JAK1: variants seen among roughly 807,000 people sequenced by gnomAD.
The protein encoded by JAK1 is Janus kinase 1.
A neutral mutation model predicts 136.6 loss-of-function variants in JAK1; 16 were observed. The ratio of observed to expected loss-of-function variants is 0.12; its 90% CI spans 0.08 to 0.18. The LOEUF (loss-of-function observed/expected upper bound fraction) is 0.18, where lower values mean the gene tolerates loss of function less well. JAK1 is among the 10% of genes least tolerant of loss of function. JAK1 has a pLI of 1.00. For missense variants in JAK1, 859 were observed against 1,450.1 expected (o/e 0.59, Z 6.62); for synonymous variants, 492 against 519.5 (o/e 0.95, Z 0.72).
chr1:64,834,751 A>C, intron 24 of JAK1, 94 bp from the exon 25 acceptor site: 1 of 809,918 alleles, frequency 1.2e-6, no homozygotes, highest in Non-Finnish European at 2.0e-6. Flanking sequence ...TAATTTTGGA[A>C]ATGCAATGAC....
intron 1 of JAK1, among the ~76,000 whole-genome samples, chr1:65,051,498 C>A (rs940983239): frequency 2.0e-5 from 3 of 152,060 alleles, no homozygotes; most frequent in Non-Finnish European, 4.4e-5. Context: ...CAGGTAGACC[C>A]AGAAAGGTGG....
At chr1:64,944,026 T>C (rs529953229) in intron 1 of JAK1, among the ~76,000 whole-genome samples, 1 of 151,658 alleles carries the variant, frequency 6.6e-6, no homozygotes, top group Non-Finnish European at 1.5e-5. Flanking sequence ...ATCAAGACCA[T>C]GCTGGCTAAC....
rs1005121605 is a variant in JAK1, at chr1:64,873,400, A to G, written c.453T>C (p.Asp151=). The stretch of plus-strand genomic sequence containing the variant: ...CAAACAGATACTCCAGTGAGCTGGC[A>G]TCAAGGAGAGGGGTTGCATCTGGAA... ...KKIPDATPLL[D]ASSLEYLFAQ... Residue 151 remains aspartate, a synonymous_variant, in exon 5 of 25, where the codon GAT becomes GAC. Coordinates refer to ENST00000342505, the MANE Select transcript of JAK1 (RefSeq NM_002227.4). 136 of 1,614,074 alleles carry G rather than the reference A, an allele frequency of 8.4e-5. No individual in the cohort carries two copies. The highest frequency in any genetic ancestry group is 1.0e-4 in the Non-Finnish European group (123 of 1,180,022).
rs779408869 is a variant in JAK1 at position 64,850,833 on chromosome 1, C to T, written c.1726G>A (p.Asp576Asn). ...PVYPMSQLSF[D>N]RILKKDLVQG... ...ACCAGATCCTTCTTGAGGATCCGAT[C>T]GAAACTCAGCTGGCTCATGGGGTAG... The change falls in exon 12 of 25, where the codon GAT becomes AAT. Residue 576 changes from aspartate (D) to asparagine (N), a missense_variant. Physicochemically the swap from Asp to Asn is conservative, Grantham distance 23. Coordinates refer to ENST00000342505, the MANE Select transcript of JAK1 (RefSeq NM_002227.4). 2.9e-5 allele frequency: 46 copies of T among 1,613,962 alleles called. No homozygotes were observed. The highest frequency in any genetic ancestry group is 5.3e-5 in the African/African-American group (4 of 74,930).
At chr1:64,964,233 C>T (rs577891217) in intron 1 of JAK1, among the ~76,000 whole-genome samples, 27 of 152,156 alleles carry the variant, frequency 1.8e-4, no homozygotes, top group Non-Finnish European at 3.5e-4. Flanking sequence ...GACAATAAAT[C>T]TTCTAACAGC....
chr1:65,065,684 G>C (rs889672413), intron 1 of JAK1, among the ~76,000 whole-genome samples: 2 of 150,456 alleles, frequency 1.3e-5, no homozygotes, highest in African/African-American at 4.9e-5. Context: ...TGCTTGGGAG[G>C]CGTTTTTTTT....
chr1:65,067,253 G>A (rs1411109512), intron 1 of JAK1, among the ~76,000 whole-genome samples: 2 of 150,614 alleles, frequency 1.3e-5, no homozygotes, highest in African/African-American at 2.4e-5. Context: ...CTGGGCAGTG[G>A]CGCGCCCTCG....
chr1:65,015,310 G>T lies in JAK1; in HGVS notation c.-78+29170C>A, dbSNP rs571661179. On this transcript the variant is annotated intron_variant, in intron 2 of 25. Transcript: ENST00000671954. ...ACAAAAATAAAAGCATGCAAATTAA[G>T]AAGAGAGTCAATGAGGTTGGTGTTT... Among the ~76,000 whole-genome samples the T allele has an allele frequency of 5.3e-5, 8 of 152,194 alleles. No homozygotes were observed. The South Asian group carries it at 1.7e-3, about 32-fold the overall frequency.
intron 2 of JAK1, among the ~76,000 whole-genome samples, chr1:65,028,847 A>G (rs1647000019): frequency 6.6e-6 from 1 of 152,238 alleles, no homozygotes; most frequent in Non-Finnish European, 1.5e-5. Flanking sequence ...AATGTCACAC[A>G]CAACTGGAAG....
chr1:65,035,932 G>A (rs187703456), intron 2 of JAK1, among the ~76,000 whole-genome samples: 1 of 152,112 alleles, frequency 6.6e-6, no homozygotes, highest in East Asian at 1.9e-4. Flanking sequence ...TCCGGGTGTG[G>A]TAGCGCACGC....
At chr1:64,942,571 T>A (rs1051536161) in intron 1 of JAK1, among the ~76,000 whole-genome samples, 1 of 152,212 alleles carries the variant, frequency 6.6e-6, no homozygotes, top group Non-Finnish European at 1.5e-5. Flanking sequence ...AAATCTCTAA[T>A]TAAATCAAGA....
At chr1:65,008,020 C>A (rs1196315124) in intron 2 of JAK1, among the ~76,000 whole-genome samples, 1 of 152,204 alleles carries the variant, frequency 6.6e-6, no homozygotes, top group Non-Finnish European at 1.5e-5. Flanking sequence ...GTTGGGATTA[C>A]AGGTGTAAGC....
chr1:64,958,758 A>T (rs114294708), intron 1 of JAK1, among the ~76,000 whole-genome samples: 2,046 of 152,354 alleles, frequency 0.013, 46 homozygotes, highest in African/African-American at 0.047. Context: ...GCCTTACTAC[A>T]ACCTGATCAA....
intron 1 of JAK1, among the ~76,000 whole-genome samples, chr1:64,966,009 T>C (rs1250629434): frequency 6.6e-6 from 1 of 151,678 alleles, no homozygotes; most frequent in African/African-American, 2.4e-5. Flanking sequence ...ATAAACAGGA[T>C]GTCAGACAGC....
At chr1:64,931,591 T>A (rs1002609154) in intron 1 of JAK1, among the ~76,000 whole-genome samples, 2 of 151,818 alleles carry the variant, frequency 1.3e-5, no homozygotes, top group South Asian at 4.2e-4. Context: ...AGGGGCATCA[T>A]CCCTAGGAGC....
chr1:64,974,614 G>C (rs1363361048), intron 2 of JAK1: 2 of 152,218 alleles, frequency 1.3e-5, no homozygotes. Flanking sequence ...GACAGGATTA[G>C]CCAGGCAAGA....
chr1:65,062,555 C>T (rs925030532), intron 1 of JAK1, among the ~76,000 whole-genome samples: 1 of 152,184 alleles, frequency 6.6e-6, no homozygotes, highest in Admixed American at 6.5e-5. Flanking sequence ...TCCAGGAACA[C>T]AATTACACTC....
intron 1 of JAK1, among the ~76,000 whole-genome samples, chr1:64,909,103 C>T (rs1645239100): frequency 6.6e-6 from 1 of 152,226 alleles, no homozygotes; most frequent in Non-Finnish European, 1.5e-5. Flanking sequence ...TTTATTTCTC[C>T]TTCCTACCAA....
intron 1 of JAK1, among the ~76,000 whole-genome samples, chr1:65,045,094 C>T (rs1447434699): frequency 1.3e-5 from 2 of 152,244 alleles, no homozygotes; most frequent in Non-Finnish European, 2.9e-5. Flanking sequence ...CCTCGGTCAG[C>T]ACCGCTAAAT....
Sources: gnomAD v4.1 joint callset for allele counts (sites outside exome capture counted in the v4.1 genomes callset) on GRCh38, gnomAD v4.1.1 for gene constraint, MANE v1.5 for transcripts, NCBI Gene and HGNC (gene_info 2026-07-23, HGNC 2026-07-21) for gene names.